Variants in SLIT2 observed in about 807,000 individuals in gnomAD.
SLIT2 encodes the protein slit homolog 2 protein.
In SLIT2, 41 loss-of-function variants were observed where a neutral mutation model predicts 185.7. The observed-to-expected ratio is 0.22, with a 90% CI of 0.17 to 0.29. The LOEUF (loss-of-function observed/expected upper bound fraction) is 0.29. Ranked by LOEUF, SLIT2 falls within the 10% of genes least tolerant of loss-of-function variation. The pLI is 1.00. For synonymous variants in SLIT2, 693 were observed against 680.2 expected (o/e 1.02, Z -0.29); for missense variants, 1,571 against 1,909.0 (o/e 0.82, Z 3.30).
intron 5 of SLIT2, among the ~76,000 whole-genome samples, chr4:20,468,030 A>G (rs948938210): frequency 1.3e-5 from 2 of 152,156 alleles, no homozygotes; most frequent in Admixed American, 6.5e-5. Context: ...GAAACAAGCC[A>G]TCATTAAATT....
Position 20,299,417 on chromosome 4 carries a change from G to A in SLIT2, c.395+30536G>A, listed in dbSNP as rs188463002. Among the ~76,000 whole-genome samples the A allele has an allele frequency of 1.6e-3, 250 of 152,276 alleles. 1 individual carries two copies. The highest frequency in any genetic ancestry group is 5.7e-3 in the African/African-American group (238 of 41,552). On this transcript the variant is annotated intron_variant, in intron 4 of 36. Coordinates refer to ENST00000504154, the MANE Select transcript of SLIT2 (RefSeq NM_004787.4). ...TTCTTGTACAGTTCGTTCAAAGGAG[G>A]ACATGTGTTTTGTCAACGAGGAAAG...
Position 20,518,261 on chromosome 4 carries a change from T to A in SLIT2, c.1059-1121T>A, listed in dbSNP as rs189905889. 6.3e-3 allele frequency among the ~76,000 whole-genome samples: 871 copies of A among 138,096 alleles called. 27 individuals carry two copies. In the East Asian group the frequency reaches 0.065, roughly 10 times the overall value. The allele number at this position is 138,096 out of a possible 152,430, so 90.6% of individuals were successfully genotyped here. A position where few individuals can be genotyped will look rare whatever the true frequency, so the allele number is the denominator to read the frequency against. On this transcript the variant is annotated intron_variant, in intron 11 of 36. Coordinates refer to ENST00000504154, the MANE Select transcript of SLIT2 (RefSeq NM_004787.4). Reference sequence around the variant, plus strand: ...TGTGTATATATATATATATATTTTTTTTTTTTTTTGAGACAGAGTCTCGCT... The same window carrying A: ...TGTGTATATATATATATATATTTTTATTTTTTTTTGAGACAGAGTCTCGCT...
At chr4:20,567,775 A>G (rs1463384465) in intron 28 of SLIT2, among the ~76,000 whole-genome samples, 160 bp downstream of exon 28, 1 of 152,124 alleles carries the variant, frequency 6.6e-6, no homozygotes, top group African/African-American at 2.4e-5. Flanking sequence ...TGCAATATAA[A>G]AAATAAATGG....
At chr4:20,306,074 C>T (rs564038630) in intron 4 of SLIT2, among the ~76,000 whole-genome samples, 4 of 151,764 alleles carry the variant, frequency 2.6e-5, no homozygotes, top group Admixed American at 6.6e-5. Flanking sequence ...CTTGATCCTT[C>T]TGGAAGAAAA....
At chr4:20,317,024 T>C (rs1411165102) in intron 4 of SLIT2, among the ~76,000 whole-genome samples, 1 of 148,918 alleles carries the variant, frequency 6.7e-6, no homozygotes, top group East Asian at 2.1e-4. Flanking sequence ...TGAAATATTT[T>C]GACTGTTTGA....
chr4:20,582,720 ATTAAG>A (rs1437282745), intron 29 of SLIT2, among the ~76,000 whole-genome samples: 4 of 152,138 alleles, frequency 2.6e-5, no homozygotes, highest in African/African-American at 9.7e-5. Context: ...CTCTTTCCTT[ATTAAG>A]TTAAGAACTT....
chr4:20,617,295 G>C (rs556820386), intron 35 of SLIT2, 97 bp downstream of exon 35: 6 of 916,276 alleles, frequency 6.5e-6, no homozygotes, highest in Non-Finnish European at 1.0e-5. Flanking sequence ...GACGGGAAGG[G>C]AGGGGAGGGG....
At chr4:20,304,832 C>T (rs143310811) in intron 4 of SLIT2, among the ~76,000 whole-genome samples, 21 of 152,138 alleles carry the variant, frequency 1.4e-4, no homozygotes, top group East Asian at 7.7e-4. Flanking sequence ...TTTAAGAGAG[C>T]GTGATTGGTG....
intron 26 of SLIT2, among the ~76,000 whole-genome samples, chr4:20,562,187 A>G (rs1351919213): frequency 6.6e-6 from 1 of 151,836 alleles, no homozygotes; most frequent in Admixed American, 6.6e-5. Flanking sequence ...AGTATCTTCT[A>G]TCTTGCCAAT....
intron 4 of SLIT2, among the ~76,000 whole-genome samples, chr4:20,419,303 T>C (rs1727969648): frequency 6.6e-6 from 1 of 152,194 alleles, no homozygotes; most frequent in Admixed American, 6.5e-5. Flanking sequence ...ATTATTTTAA[T>C]AAAAATGTGC....
At chr4:20,540,725 T>A (rs942149851) in intron 19 of SLIT2, among the ~76,000 whole-genome samples, 29 of 151,122 alleles carry the variant, frequency 1.9e-4, no homozygotes, top group African/African-American at 7.0e-4. Context: ...GAAGAAATAA[T>A]TTGAGAGAAG....
At chr4:20,448,273 A>G (rs531256653) in intron 4 of SLIT2, among the ~76,000 whole-genome samples, 41 of 152,286 alleles carry the variant, frequency 2.7e-4, no homozygotes, top group African/African-American at 5.5e-4. Flanking sequence ...GGTAATTTAA[A>G]GCATCCCAAG....
chr4:20,484,840 C>T lies in SLIT2; in HGVS notation c.540-1360C>T, dbSNP rs1717053198. 1.3e-5 allele frequency among the ~76,000 whole-genome samples: 2 copies of T among 152,144 alleles called. No homozygotes were observed. Among genetic ancestry groups the T allele is most frequent in the Admixed American group, 1.3e-4 (2 of 15,256 alleles). ...GTCCATTGGAGCTGGAGATTATCTG[C>T]CACAAGAGAGACTATCATTGCTAGC... On this transcript the variant is annotated intron_variant, in intron 6 of 36. Transcript: ENST00000504154. This position sits in a 1 kb window ranked among gnomAD's most constrained non-coding sequence, Gnocchi z 4.3.
chr4:20,397,674 A>C (rs868032128), intron 4 of SLIT2, among the ~76,000 whole-genome samples: 11 of 151,958 alleles, frequency 7.2e-5, no homozygotes, highest in Middle Eastern at 3.4e-3. Context: ...GCAGTTGCCA[A>C]TAATATCCTC....
chr4:20,549,153 TATCTCTTTTCTCAGA>T (rs1408351431), intron 24 of SLIT2, 25 bp downstream of exon 24: 1 of 1,415,444 alleles, frequency 7.1e-7, no homozygotes, highest in Non-Finnish European at 1.0e-6. Context: ...TTCAACAGAA[TATCTCTTTTCTCAGA>T]GATCTGAGTT....
chr4:20,492,519 A>C (rs1246503259), intron 9 of SLIT2, among the ~76,000 whole-genome samples: 1 of 152,176 alleles, frequency 6.6e-6, no homozygotes, highest in East Asian at 1.9e-4. Context: ...TGTCCTCACC[A>C]AATATAAGTC....
chr4:20,302,029 C>T lies in SLIT2; in HGVS notation c.395+33148C>T, dbSNP rs112044095. On this transcript the variant is annotated intron_variant, in intron 4 of 36. Coordinates refer to ENST00000504154, the MANE Select transcript of SLIT2 (RefSeq NM_004787.4). ...ATCTGTGAAATTAAGAAAAAGAGAT[C>T]TTATTGACCTAATTTTACAGAAAGA... is the stretch of plus-strand genomic sequence containing the variant. Among the ~76,000 whole-genome samples, 1,176 of 152,152 alleles carry T rather than the reference C, an allele frequency of 7.7e-3. 14 individuals carry two copies. The highest frequency in any genetic ancestry group is 8.1e-3 in the Non-Finnish European group (548 of 67,980).
chr4:20,345,621 C>T (rs1166094274), intron 4 of SLIT2, among the ~76,000 whole-genome samples: 2 of 149,842 alleles, frequency 1.3e-5, no homozygotes, highest in African/African-American at 4.9e-5. Flanking sequence ...CGGCAACCTC[C>T]ACCTCCCGGG....
intron 29 of SLIT2, among the ~76,000 whole-genome samples, chr4:20,580,848 A>T (rs1165783320): frequency 2.6e-5 from 4 of 152,208 alleles, no homozygotes; most frequent in Non-Finnish European, 4.4e-5. Context: ...TGCACCGCTT[A>T]TTACAGACTG....
Sources: allele counts gnomAD v4.1 joint callset (sites outside exome capture counted in the v4.1 genomes callset), GRCh38; gene constraint gnomAD v4.1.1; non-coding constraint Gnocchi (gnomAD v3.1); transcripts MANE v1.5; gene names NCBI Gene and HGNC (gene_info 2026-07-23, HGNC 2026-07-21).